RBFOX2: variants seen among roughly 807,000 people sequenced by gnomAD.
The protein encoded by RBFOX2 is RNA binding protein fox-1 homolog 2.
In RBFOX2, 10 loss-of-function variants were observed where a neutral mutation model predicts 49.1. The ratio of observed to expected loss-of-function variants is 0.20; its 90% CI spans 0.13 to 0.35. The LOEUF is 0.35. RBFOX2 is among the 10% of genes least tolerant of loss of function. RBFOX2 has a pLI of 1.00. For synonymous variants in RBFOX2, 183 were observed against 187.4 expected, an observed-to-expected ratio of 0.98 and a Z score of 0.19; for missense variants, 323 against 486.9, an observed-to-expected ratio of 0.66 and a Z score of 3.17.
At chr22:35,869,178 T>G (rs2044043369) in intron 1 of RBFOX2, among the ~76,000 whole-genome samples, 1 of 152,126 alleles carries the variant, frequency 6.6e-6, no homozygotes, top group South Asian at 2.1e-4. Flanking sequence ...AAGGGGCTAG[T>G]CCACTAAGAA....
In RBFOX2 at chr22:35,805,032, A is replaced by AT. The variant is rs571386496; in HGVS notation, c.252+4747_252+4748insA. ...GCTGGGCGCGGTGGCTCACGCCTGT[A>AT]ATCCCAGCACTTTGGGAGGCCGAGG... On this transcript the variant is annotated intron_variant, in intron 2 of 11. Transcript: ENST00000405409. Among the ~76,000 whole-genome samples the AT allele has an allele frequency of 6.1e-4, 93 of 152,286 alleles. 2 individuals are homozygous for AT. The East Asian group carries it at 0.017, about 27-fold the overall frequency.
intron 3 of RBFOX2, among the ~76,000 whole-genome samples, chr22:35,780,089 T>C (rs796185870): frequency 1.3e-5 from 2 of 152,314 alleles, no homozygotes; most frequent in African/African-American, 4.8e-5. Context: ...TGCCCTTTAT[T>C]TTCTGTTGCT....
intron 2 of RBFOX2, among the ~76,000 whole-genome samples, chr22:35,803,942 T>G (rs1470070552): frequency 1.3e-5 from 2 of 152,174 alleles, no homozygotes; most frequent in African/African-American, 2.4e-5. Flanking sequence ...AGACTGAATT[T>G]TTTTAAGAAA....
At chr22:35,959,339 G>T (rs1021136025) in intron 1 of RBFOX2, among the ~76,000 whole-genome samples, 1 of 152,148 alleles carries the variant, frequency 6.6e-6, no homozygotes, top group Non-Finnish European at 1.5e-5. Context: ...TACATGTTAC[G>T]CAGCAGTTTA....
chr22:35,988,801 AG>A (rs1158348872), intron 1 of RBFOX2, among the ~76,000 whole-genome samples: 3 of 152,238 alleles, frequency 2.0e-5, no homozygotes, highest in East Asian at 3.8e-4. Flanking sequence ...AATTAAAGAC[AG>A]AAGGACCATT....
At position 35,945,791 on chromosome 22, in the gene RBFOX2, A is replaced by G. The variant is rs150052411; in HGVS notation, c.43-6894T>C. Among the ~76,000 whole-genome samples, 170 of 152,260 alleles carry G rather than the reference A, an allele frequency of 1.1e-3. 6 individuals carry two copies. In the East Asian group the frequency reaches 0.029, roughly 26 times the overall value. On this transcript the variant is annotated intron_variant, in intron 1 of 5. Transcript: ENST00000408983. The stretch of plus-strand genomic sequence containing the variant: ...GGGCGTCATTCTGCTTCCAAACCAT[A>G]AGAGTTCAAAATACCTAGAGATAAG...
intron 1 of RBFOX2, among the ~76,000 whole-genome samples, chr22:36,026,541 TAC>T (rs3075271): frequency 0.022 from 3,006 of 136,184 alleles, 38 homozygotes; most frequent in African/African-American, 0.036. Flanking sequence ...AATGAATACA[TAC>T]ACACACACAC....
intron 1 of RBFOX2, among the ~76,000 whole-genome samples, chr22:36,017,903 G>A (rs894034048): frequency 7.9e-5 from 12 of 152,148 alleles, no homozygotes; most frequent in Admixed American, 5.2e-4. Flanking sequence ...TTCTACCCCA[G>A]CTTCTGTTTT....
chr22:35,793,481 A>G (rs1359862263), intron 2 of RBFOX2, among the ~76,000 whole-genome samples: 2 of 152,252 alleles, frequency 1.3e-5, no homozygotes, highest in Admixed American at 6.5e-5. Context: ...TACAAACGCA[A>G]TAACATGATA....
intron 1 of RBFOX2, among the ~76,000 whole-genome samples, chr22:35,856,121 C>A (rs958112793): frequency 3.3e-5 from 5 of 152,058 alleles, no homozygotes; most frequent in African/African-American, 1.2e-4. Flanking sequence ...CCTAGTTATT[C>A]AAAATCTAGA....
chr22:35,888,985 T>C (rs2046929920), intron 1 of RBFOX2, among the ~76,000 whole-genome samples: 1 of 152,078 alleles, frequency 6.6e-6, no homozygotes, highest in Non-Finnish European at 1.5e-5. Flanking sequence ...TGAAACTCCA[T>C]ATCTATTAAA....
intron 1 of RBFOX2, chr22:35,897,527 C>G: frequency 1.2e-6 from 1 of 826,904 alleles, no homozygotes; most frequent in Non-Finnish European, 2.2e-6. Context: ...GCAAGGGGTA[C>G]GGGAGGAAGT....
intron 2 of RBFOX2, among the ~76,000 whole-genome samples, chr22:35,785,003 A>T (rs1042681336): frequency 1.3e-4 from 20 of 152,022 alleles, no homozygotes; most frequent in Admixed American, 5.9e-4. Flanking sequence ...TTTTATTATT[A>T]TTTTTTTCAA....
intron 1 of RBFOX2, among the ~76,000 whole-genome samples, chr22:35,946,843 A>G (rs900977613): frequency 6.6e-5 from 10 of 152,244 alleles, no homozygotes; most frequent in Non-Finnish European, 1.5e-4. Flanking sequence ...TCAAGGCCAC[A>G]TGACAATACT....
chr22:35,991,449 TAAA>T (rs956390520), intron 1 of RBFOX2, among the ~76,000 whole-genome samples: 6 of 152,094 alleles, frequency 3.9e-5, no homozygotes, highest in African/African-American at 1.4e-4. Context: ...CTTTAAAAGA[TAAA>T]AAAAATTAGT....
At chr22:35,738,963 A>G (rs550441559) in exon 12 of RBFOX2, 1 of 152,770 alleles carries the variant, frequency 6.5e-6, no homozygotes, top group South Asian at 2.1e-4. Context: ...TGAATACTGT[A>G]TGGTCTGAAA....
intron 8 of RBFOX2, 150 bp from the exon 10 acceptor site, chr22:35,760,170 C>T: frequency 1.0e-6 from 1 of 988,836 alleles, no homozygotes; most frequent in Non-Finnish European, 1.5e-6. Flanking sequence ...AATAAACGTT[C>T]TACCCTGGGT....
intron 1 of RBFOX2, among the ~76,000 whole-genome samples, chr22:36,014,095 T>C (rs1603467136): frequency 1.3e-5 from 2 of 151,734 alleles, no homozygotes; most frequent in Non-Finnish European, 2.9e-5. Flanking sequence ...GGCTGGGGCA[T>C]GGGCAGGATG....
chr22:35,947,380 T>A (rs2054403924), intron 1 of RBFOX2, among the ~76,000 whole-genome samples: 1 of 152,030 alleles, frequency 6.6e-6, no homozygotes, highest in Non-Finnish European at 1.5e-5. Context: ...TGATAATAAA[T>A]GGTTATTTTA....
Sources: allele counts gnomAD v4.1 joint callset (sites outside exome capture counted in the v4.1 genomes callset), GRCh38; gene constraint gnomAD v4.1.1; transcripts MANE v1.5; gene names NCBI Gene and HGNC (gene_info 2026-07-23, HGNC 2026-07-21).